The following PAK5 variants were observed in gnomAD, a reference collection of about 807,000 sequenced individuals.
The protein encoded by PAK5 is serine/threonine-protein kinase PAK 5.
A neutral mutation model predicts 65.9 loss-of-function variants in PAK5; 16 were observed. The ratio of observed to expected loss-of-function variants is 0.24; its 90% confidence interval spans 0.16 to 0.37. PAK5 has a LOEUF of 0.37. Among genes scored for constraint, PAK5 ranks in the 10% least tolerant of loss-of-function variants. PAK5 has a pLI of 1.00. For missense variants in PAK5, 785 were observed against 903.9 expected (o/e 0.87, Z 1.69); for synonymous variants, 371 against 354.9 (o/e 1.05, Z -0.51).
At chr20:9,653,813 T>G (rs1276862531) in intron 2 of PAK5, among the ~76,000 whole-genome samples, 1 of 152,040 alleles carries the variant, frequency 6.6e-6, no homozygotes, top group African/African-American at 2.4e-5. Context: ...TTGGCAGGGG[T>G]ATGTCCCTTT....
chr20:9,772,358 G>C (rs2123679479), intron 1 of PAK5, among the ~76,000 whole-genome samples: 1 of 152,256 alleles, frequency 6.6e-6, no homozygotes, highest in South Asian at 2.1e-4. Context: ...TGATCAGCAA[G>C]GTGTCTATAA....
chr20:9,618,915 G>GTCTTTTTTTTT (rs2046715458), intron 3 of PAK5, among the ~76,000 whole-genome samples: 1 of 18,816 alleles, frequency 5.3e-5, no homozygotes, highest in East Asian at 2.3e-3. Flanking sequence ...TCTTTCTTTC[G>GTCTTTTTTTTT]TTTTTTTTTT....
chr20:9,836,002 AC>A (rs1438815284), intron 1 of PAK5, among the ~76,000 whole-genome samples: 1 of 152,116 alleles, frequency 6.6e-6, no homozygotes, highest in Admixed American at 6.5e-5. Flanking sequence ...TGTTTGAGAT[AC>A]TCTAGAAGAT....
At chr20:9,815,717 T>C (rs539249421) in intron 1 of PAK5, among the ~76,000 whole-genome samples, 4 of 152,314 alleles carry the variant, frequency 2.6e-5, no homozygotes, top group Admixed American at 6.5e-5. Context: ...GTTTCTACTA[T>C]TTGGGATTGT....
chr20:9,826,808 T>A (rs2123781947), intron 1 of PAK5, among the ~76,000 whole-genome samples: 1 of 152,336 alleles, frequency 6.6e-6, no homozygotes, highest in South Asian at 2.1e-4. Context: ...AATCAAGGGA[T>A]AATTGAGCAG....
chr20:9,593,826 T>TTCTC (rs758935621), intron 3 of PAK5, among the ~76,000 whole-genome samples: 7 of 148,502 alleles, frequency 4.7e-5, no homozygotes, highest in East Asian at 3.9e-4. Flanking sequence ...CTCTCTCTCT[T>TTCTC]TCTCTCTCTC....
chr20:9,773,839 G>T (rs1600357279), intron 1 of PAK5, among the ~76,000 whole-genome samples: 2 of 152,214 alleles, frequency 1.3e-5, no homozygotes, highest in African/African-American at 4.8e-5. Context: ...CTTGAGGTGA[G>T]TCTAAGGTAA....
At chr20:9,629,240 A>G (rs1324176375) in intron 3 of PAK5, among the ~76,000 whole-genome samples, 1 of 152,126 alleles carries the variant, frequency 6.6e-6, no homozygotes, top group Non-Finnish European at 1.5e-5. Context: ...GATACTAACA[A>G]ATGTGTGTTG....
rs2045839383 is a variant in PAK5, at chr20:9,573,943, G to T, written c.990+6202C>A. On this transcript the variant is annotated intron_variant, in intron 4 of 9. Coordinates refer to ENST00000353224, the MANE Select transcript of PAK5 (RefSeq NM_177990.4). ...CTCGAAAATGAAAACGCCAGGCTGG[G>T]TGCTGCTTACTCTCCATAAATCAAA... is the stretch of plus-strand genomic sequence containing the variant. Among the ~76,000 whole-genome samples, 4 of 152,174 alleles carry T rather than the reference G, an allele frequency of 2.6e-5. No homozygotes were observed. In the South Asian group the frequency reaches 8.3e-4, roughly 32 times the overall value.
intron 1 of PAK5, among the ~76,000 whole-genome samples, chr20:9,827,601 C>A (rs2123783265): frequency 6.6e-6 from 1 of 151,684 alleles, no homozygotes; most frequent in Non-Finnish European, 1.5e-5. Context: ...CAATCCAGAA[C>A]CATGTGGGAG....
intron 3 of PAK5, among the ~76,000 whole-genome samples, chr20:9,592,846 G>A (rs934421413): frequency 6.6e-6 from 1 of 152,178 alleles, no homozygotes; most frequent in Non-Finnish European, 1.5e-5. Flanking sequence ...AAGTCTAAGG[G>A]AGAGAGAACA....
intron 1 of PAK5, among the ~76,000 whole-genome samples, chr20:9,728,046 T>G (rs1444353495): frequency 1.3e-5 from 2 of 152,052 alleles, no homozygotes; most frequent in African/African-American, 4.8e-5. Flanking sequence ...ATTTATATGT[T>G]GGAACTTAAC....
intron 3 of PAK5, among the ~76,000 whole-genome samples, chr20:9,626,249 C>T (rs1418004799): frequency 6.6e-6 from 1 of 151,766 alleles, no homozygotes; most frequent in African/African-American, 2.4e-5. Context: ...CCAAAACAAA[C>T]AAAAACAGAA....
At chr20:9,600,299 T>G (rs917921148) in intron 3 of PAK5, among the ~76,000 whole-genome samples, 1 of 152,228 alleles carries the variant, frequency 6.6e-6, no homozygotes, top group Non-Finnish European at 1.5e-5. Context: ...TCCTCTAACA[T>G]TGTTCTTTTT....
At chr20:9,669,845 A>G (rs1179640867) in intron 2 of PAK5, among the ~76,000 whole-genome samples, 2 of 152,134 alleles carry the variant, frequency 1.3e-5, no homozygotes, top group Non-Finnish European at 2.9e-5. Flanking sequence ...ATACGTATAC[A>G]TGTGCCATGT....
rs2045613007 is a variant in PAK5 at position 9,562,882 on chromosome 20, G to A, written c.1616+9C>T. On this transcript the variant is annotated intron_variant, in intron 6 of 9. Transcript: ENST00000353224. ...CACCTCGAATTCTCTGGATAATAAA[G>A]AAGCCTACCTGGTGTGAGTCACAAT... is the stretch of plus-strand genomic sequence containing the variant. 2 of 1,609,284 alleles carry A rather than the reference G, an allele frequency of 1.2e-6. No homozygotes were observed. Among genetic ancestry groups the A allele is most frequent in the Non-Finnish European group, 1.7e-6 (2 of 1,178,346 alleles).
intron 3 of PAK5, among the ~76,000 whole-genome samples, chr20:9,600,541 G>A (rs2046341444): frequency 1.3e-5 from 2 of 152,194 alleles, no homozygotes; most frequent in Admixed American, 6.5e-5. Context: ...CAGTTTGAGT[G>A]TATTTTAAGC....
intron 2 of PAK5, among the ~76,000 whole-genome samples, chr20:9,660,034 A>G (rs767633209): frequency 6.6e-6 from 1 of 152,110 alleles, no homozygotes; most frequent in Non-Finnish European, 1.5e-5. Flanking sequence ...GAGAAGCAAA[A>G]ACAATAATAA....
chr20:9,572,627 A>C (rs868510203), intron 4 of PAK5, among the ~76,000 whole-genome samples: 1 of 152,242 alleles, frequency 6.6e-6, no homozygotes, highest in South Asian at 2.1e-4. Context: ...GAATGGGACT[A>C]GTGACAGGAA....
Sources: gnomAD v4.1 joint callset for allele counts (sites outside exome capture counted in the v4.1 genomes callset) on GRCh38, gnomAD v4.1.1 for gene constraint, MANE v1.5 for transcripts, NCBI Gene and HGNC (gene_info 2026-07-23, HGNC 2026-07-21) for gene names.